Variants in BRWD3 observed in about 807,000 individuals in gnomAD.
The protein encoded by BRWD3 is bromodomain and WD repeat domain containing 3, also known as bromodomain and WD repeat-containing protein 3.
Under a neutral mutation model 149.7 loss-of-function variants are expected in BRWD3, and 10 were observed. The ratio of observed to expected loss-of-function variants is 0.07; its 90% CI spans 0.04 to 0.11. BRWD3 has a LOEUF of 0.11. Ranked by LOEUF, BRWD3 falls within the 10% of genes least tolerant of loss-of-function variation. The pLI is 1.00. For synonymous variants in BRWD3, 504 were observed against 456.7 expected (o/e 1.10, Z -1.32); for missense variants, 940 against 1,373.2 (o/e 0.68, Z 4.99).
chrX:80,714,219 C>CT (rs987098536), intron 20 of BRWD3, among the ~76,000 whole-genome samples: 1,346 of 61,641 alleles, frequency 0.022, 16 homozygotes, highest in Non-Finnish European at 0.025. Context: ...AAACCTTCAT[C>CT]TTTTTTTTTT....
At chrX:80,695,711 A>G (rs1459184448) in intron 27 of BRWD3, among the ~76,000 whole-genome samples, 197 bp downstream of exon 27, 2 of 111,944 alleles carry the variant, frequency 1.8e-5, no homozygotes, top group Non-Finnish European at 3.8e-5. Flanking sequence ...AGGTATTTGC[A>G]GAAGGTTTAG....
chrX:80,799,855 ATAACTATCTACTAAAGTTCGGT>A (rs1468727913), intron 4 of BRWD3, among the ~76,000 whole-genome samples: 5 of 111,335 alleles, frequency 4.5e-5, no homozygotes, highest in African/African-American at 1.6e-4. Context: ...AACAGTAATG[ATAACTATCTACTAAAGTTCGGT>A]TAGGACAAAG....
At chrX:80,712,367 T>C (rs1349071966) in intron 20 of BRWD3, among the ~76,000 whole-genome samples, 3 of 110,618 alleles carry the variant, frequency 2.7e-5, no homozygotes, top group Non-Finnish European at 5.7e-5. Flanking sequence ...GCCGGGCTGG[T>C]CTCCAGCTCC....
Position 80,691,944 on chromosome X carries a change from A to G in BRWD3, c.3360T>C (p.Pro1120=), listed in dbSNP as rs1484717348. 8.3e-7 allele frequency: 1 copy of G among 1,209,798 alleles called. No individual in the cohort carries two copies. The highest frequency in any genetic ancestry group is 2.2e-5 in the Admixed American group (1 of 45,753). The change falls in exon 30 of 41, where the codon CCT becomes CCC. Residue 1120 remains proline, a synonymous_variant. Coordinates refer to ENST00000373275, the MANE Select transcript of BRWD3 (RefSeq NM_153252.5). ...AAGCAGTCAATTCTTCCTGGGAGAC[A>G]GGAACACCAGCACCAACTTCATCTG... ...AFPDEVGAGV[P]VSQEELTALL...
intron 4 of BRWD3, among the ~76,000 whole-genome samples, chrX:80,807,403 T>C (rs1372984158): frequency 1.8e-5 from 2 of 112,009 alleles, no homozygotes; most frequent in South Asian, 3.6e-4. Flanking sequence ...AAAATGAACA[T>C]TGAAGCAATT....
At chrX:80,742,596 T>C (rs1488700790) in intron 8 of BRWD3, among the ~76,000 whole-genome samples, 2 of 110,343 alleles carry the variant, frequency 1.8e-5, no homozygotes. Flanking sequence ...GCAGTTCTCC[T>C]TGAAGAGGTC....
chrX:80,744,349 T>G, intron 7 of BRWD3, 96 bp from the exon 8 acceptor site: 1 of 631,437 alleles, frequency 1.6e-6, no homozygotes, highest in Non-Finnish European at 2.6e-6. Flanking sequence ...ATTAAATTAC[T>G]TCTAAGCCTT....
At chrX:80,757,043 C>T (rs1206872324) in intron 6 of BRWD3, among the ~76,000 whole-genome samples, 1 of 111,556 alleles carries the variant, frequency 9.0e-6, no homozygotes, top group African/African-American at 3.3e-5. Flanking sequence ...TCAAAAAACC[C>T]CATACTCCTA....
chrX:80,783,256 G>A (rs759866301), intron 6 of BRWD3, among the ~76,000 whole-genome samples: 10 of 109,715 alleles, frequency 9.1e-5, no homozygotes. Flanking sequence ...GCATAGTAGT[G>A]CACACCTGTA....
chrX:80,738,443 C>T (rs73227308), intron 8 of BRWD3, among the ~76,000 whole-genome samples: 9,394 of 111,411 alleles, frequency 0.084, 372 homozygotes, highest in South Asian at 0.19. Context: ...CATCATACCA[C>T]TTTAACTATA....
intron 14 of BRWD3, among the ~76,000 whole-genome samples, chrX:80,726,103 TTA>T (rs1008983737): frequency 1.8e-5 from 2 of 110,232 alleles, no homozygotes; most frequent in East Asian, 2.9e-4. Context: ...TGTTTACATG[TTA>T]TGTGTCTGTA....
At chrX:80,797,481 T>A (rs893401764) in intron 4 of BRWD3, among the ~76,000 whole-genome samples, 1 of 111,949 alleles carries the variant, frequency 8.9e-6, no homozygotes, top group African/African-American at 3.2e-5. Flanking sequence ...GTTACCCTCC[T>A]ATAGAAAGAA....
chrX:80,723,655 A>G, intron 16 of BRWD3, 93 bp downstream of exon 16: 6 of 942,816 alleles, frequency 6.4e-6, no homozygotes, highest in Non-Finnish European at 9.1e-6. Context: ...CTATTGACAC[A>G]TAACAGCCCT....
chrX:80,694,629 A>G (rs1007929867), intron 27 of BRWD3, among the ~76,000 whole-genome samples: 1 of 111,837 alleles, frequency 8.9e-6, no homozygotes, highest in African/African-American at 3.3e-5. Context: ...GATATGAGAC[A>G]TGGAGTCAAA....
At chrX:80,768,663 C>A (rs983969282) in intron 6 of BRWD3, among the ~76,000 whole-genome samples, 1 of 111,487 alleles carries the variant, frequency 9.0e-6, no homozygotes, top group Non-Finnish European at 1.9e-5. Context: ...TAGGAAGAAA[C>A]TGCATCAACT....
rs183718999 is a variant in BRWD3, at chrX:80,804,480, C to T, written c.180+4059G>A. ...CTTGAACTCCTGACCTCAAGTGATCCGCCTGCCTCAGTCTCTCAAAGTGCT... is the reference window on the plus strand; with the variant it reads ...CTTGAACTCCTGACCTCAAGTGATCTGCCTGCCTCAGTCTCTCAAAGTGCT... On this transcript the variant is annotated intron_variant, in intron 4 of 40. Transcript: ENST00000373275. Among the ~76,000 whole-genome samples the T allele has an allele frequency of 4.6e-4, 51 of 111,555 alleles. No individual in the cohort carries two copies. In the East Asian group the frequency reaches 0.013, roughly 29 times the overall value.
At chrX:80,758,452 T>G (rs1013956252) in intron 6 of BRWD3, among the ~76,000 whole-genome samples, 3 of 111,593 alleles carry the variant, frequency 2.7e-5, no homozygotes, top group African/African-American at 9.8e-5. Context: ...CTCACAAAAT[T>G]ATCCTTTCTA....
intron 14 of BRWD3, among the ~76,000 whole-genome samples, chrX:80,725,677 CAT>C (rs1457634522): frequency 9.0e-6 from 1 of 110,835 alleles, no homozygotes; most frequent in Non-Finnish European, 1.9e-5. Context: ...GCCTATATAA[CAT>C]ATAACATGTT....
chrX:80,786,957 G>C (rs2074114763), intron 6 of BRWD3, among the ~76,000 whole-genome samples: 1 of 109,868 alleles, frequency 9.1e-6, no homozygotes, highest in Non-Finnish European at 1.9e-5. Flanking sequence ...TCTATATAAA[G>C]AATCCCAAAG....
Sources: allele counts gnomAD v4.1 joint callset (sites outside exome capture counted in the v4.1 genomes callset), GRCh38; gene constraint gnomAD v4.1.1; transcripts MANE v1.5; gene names NCBI Gene and HGNC (gene_info 2026-07-23, HGNC 2026-07-21).